The following SCHIP1 variants were observed in gnomAD, a reference collection of about 807,000 sequenced individuals.
SCHIP1 encodes schwannomin interacting protein 1, also known as schwannomin-interacting protein 1.
A neutral mutation model predicts 29.7 loss-of-function variants in SCHIP1; 8 were observed. The observed-to-expected ratio is 0.27, with a 90% confidence interval of 0.16 to 0.49. The LOEUF is 0.49. Among genes scored for constraint, SCHIP1 ranks in the 20% least tolerant of loss-of-function variants. SCHIP1 has a pLI of 0.99. For synonymous variants in SCHIP1, 76 were observed against 94.9 expected (o/e 0.80, Z 1.16); for missense variants, 193 against 294.6 (o/e 0.66, Z 2.52).
chr3:159,744,132 A>G, the SCHIP1 span, among the ~76,000 whole-genome samples: 1 of 152,236 alleles, frequency 6.6e-6, no homozygotes, highest in Non-Finnish European at 1.5e-5. Context: ...CAAAGGTACC[A>G]AACAAAATAT....
At chr3:159,521,379 C>G in the SCHIP1 span, among the ~76,000 whole-genome samples, 1 of 152,182 alleles carries the variant, frequency 6.6e-6, no homozygotes, top group Non-Finnish European at 1.5e-5. Context: ...ATGCAAATAA[C>G]AGGTATAATG....
chr3:159,359,468 A>T, the SCHIP1 span, among the ~76,000 whole-genome samples: 3 of 152,168 alleles, frequency 2.0e-5, no homozygotes, highest in African/African-American at 7.2e-5. Flanking sequence ...AATACTACCC[A>T]CATGTCTACT....
the SCHIP1 span, chr3:159,764,398 G>T: frequency 6.6e-7 from 1 of 1,522,786 alleles, no homozygotes; most frequent in Non-Finnish European, 8.8e-7. The surrounding 1 kb of genome is among the most constrained non-coding windows in gnomAD (Gnocchi z 6.1). Flanking sequence ...CGGGAGGCTG[G>T]AGCAGGCTTG....
the SCHIP1 span, among the ~76,000 whole-genome samples, chr3:159,500,324 T>C: frequency 6.6e-6 from 1 of 152,118 alleles, no homozygotes; most frequent in Non-Finnish European, 1.5e-5. Flanking sequence ...CTCTTAAGAT[T>C]TATATTGTTG....
At chr3:159,396,013 G>A in the SCHIP1 span, among the ~76,000 whole-genome samples, 1 of 151,772 alleles carries the variant, frequency 6.6e-6, no homozygotes, top group Admixed American at 6.6e-5. Context: ...CCTGTGTTGG[G>A]TGCATATATA....
At chr3:159,315,696 T>C in the SCHIP1 span, among the ~76,000 whole-genome samples, 2 of 152,062 alleles carry the variant, frequency 1.3e-5, no homozygotes, top group Admixed American at 1.3e-4. Context: ...GTAAGAGAAA[T>C]AAGAAGGGAG....
the SCHIP1 span, among the ~76,000 whole-genome samples, chr3:159,727,525 C>T: frequency 6.6e-6 from 1 of 152,040 alleles, no homozygotes; most frequent in African/African-American, 2.4e-5. Context: ...AAAATGAAGC[C>T]CCAAATATCA....
the SCHIP1 span, among the ~76,000 whole-genome samples, chr3:159,361,014 G>A: frequency 2.6e-5 from 4 of 152,130 alleles, no homozygotes; most frequent in South Asian, 2.1e-4. Flanking sequence ...CATGAACAAT[G>A]TGCCAGACAC....
At chr3:159,396,261 C>T in the SCHIP1 span, among the ~76,000 whole-genome samples, 22,390 of 149,266 alleles carry the variant, frequency 0.15, 2,025 homozygotes, top group African/African-American at 0.23. Context: ...TGATGGGTCT[C>T]GACTCTTTAT....
chr3:159,744,914 G>A, the SCHIP1 span, among the ~76,000 whole-genome samples: 1 of 152,154 alleles, frequency 6.6e-6, no homozygotes, highest in Non-Finnish European at 1.5e-5. Context: ...GAACCCAGGC[G>A]GAGCTTGCAG....
At chr3:159,283,319 A>G in the SCHIP1 span, among the ~76,000 whole-genome samples, 3 of 152,016 alleles carry the variant, frequency 2.0e-5, no homozygotes, top group Non-Finnish European at 4.4e-5. Context: ...TGCCCGGCTA[A>G]TTTTTGTATT....
the SCHIP1 span, among the ~76,000 whole-genome samples, chr3:159,580,824 A>G: frequency 1.3e-5 from 2 of 152,204 alleles, no homozygotes; most frequent in Non-Finnish European, 2.9e-5. Flanking sequence ...AGAGATGGTT[A>G]TCTTTTCTAG....
the SCHIP1 span, among the ~76,000 whole-genome samples, chr3:159,373,231 TAATA>T: frequency 1.3e-5 from 2 of 151,066 alleles, no homozygotes; most frequent in Non-Finnish European, 3.0e-5. Flanking sequence ...AAATTGTAAT[TAATA>T]TATATTACAG....
chr3:159,583,234 G>A, the SCHIP1 span, among the ~76,000 whole-genome samples: 4 of 152,010 alleles, frequency 2.6e-5, no homozygotes. Flanking sequence ...CTTTTCTAAG[G>A]CAACACAACC....
the SCHIP1 span, among the ~76,000 whole-genome samples, chr3:159,505,831 A>G: frequency 6.6e-6 from 1 of 152,182 alleles, no homozygotes; most frequent in African/African-American, 2.4e-5. Flanking sequence ...ATAGTAGTCC[A>G]TGGTGTATAT....
chr3:159,410,063 GA>G, the SCHIP1 span, among the ~76,000 whole-genome samples: 1 of 152,040 alleles, frequency 6.6e-6, no homozygotes, highest in Non-Finnish European at 1.5e-5. Flanking sequence ...GGGAAAAATG[GA>G]TATCCATATG....
the SCHIP1 span, among the ~76,000 whole-genome samples, chr3:159,652,662 GGGT>G: frequency 3.9e-5 from 6 of 152,136 alleles, no homozygotes; most frequent in Non-Finnish European, 8.8e-5. Flanking sequence ...GGGTGGGGAG[GGGT>G]GTGCAATGAC....
the SCHIP1 span, among the ~76,000 whole-genome samples, chr3:159,500,570 T>C: frequency 6.6e-6 from 1 of 151,776 alleles, no homozygotes; most frequent in Non-Finnish European, 1.5e-5. Context: ...AAAAATTAGC[T>C]GGGTGTGGTG....
At chr3:159,719,423 A>G in the SCHIP1 span, among the ~76,000 whole-genome samples, 1 of 152,220 alleles carries the variant, frequency 6.6e-6, no homozygotes. Flanking sequence ...CAGCAAAAGA[A>G]ACTACCATCA....
Sources: allele counts gnomAD v4.1 joint callset (sites outside exome capture counted in the v4.1 genomes callset), GRCh38; gene constraint gnomAD v4.1.1; non-coding constraint Gnocchi (gnomAD v3.1); transcripts MANE v1.5; gene names NCBI Gene and HGNC (gene_info 2026-07-23, HGNC 2026-07-21).